Variants in DAPK1 observed in about 807,000 individuals in gnomAD.
DAPK1 encodes death-associated protein kinase 1.
DAPK1 carries 56 observed loss-of-function variants against 144.9 expected under a neutral mutation model. The observed-to-expected ratio is 0.39, with a 90% confidence interval of 0.31 to 0.48. DAPK1 has a LOEUF of 0.48. DAPK1 is among the 20% of genes least tolerant of loss of function. The probability of loss-of-function intolerance (pLI) is 0.95; values close to 1 mark genes in which losing one functional copy is unlikely to be tolerated. For synonymous variants in DAPK1, 690 were observed against 749.0 expected (o/e 0.92, Z 1.29); for missense variants, 1,454 against 1,875.4 (o/e 0.78, Z 4.15).
At chr9:87,674,461 A>G (rs924480486) in intron 19 of DAPK1, among the ~76,000 whole-genome samples, 1 of 145,774 alleles carries the variant, frequency 6.9e-6, no homozygotes, top group African/African-American at 2.6e-5. Flanking sequence ...GTTGCAGTGC[A>G]CTGAGATCAT....
rs750748509 is a variant in DAPK1, at chr9:87,686,678, G to T, written c.2352G>T (p.Pro784=). The change falls in exon 21 of 26, where the codon CCG becomes CCT. Residue 784 remains proline, a synonymous_variant. Coordinates refer to ENST00000408954, the MANE Select transcript of DAPK1 (RefSeq NM_004938.4). The surrounding 1 kb of genome is among the most constrained non-coding windows in gnomAD (Gnocchi z 4.2). ...TGTTTGTGGCCCCGACCCACCACCCGCACTGCTCGGCCGATGACCAGTCCA... is the reference window on the plus strand; with the variant it reads ...TGTTTGTGGCCCCGACCCACCACCCTCACTGCTCGGCCGATGACCAGTCCA... The part of the protein sequence containing the change: ...LEVFVAPTHH[P]HCSADDQSTK... 2.5e-6 allele frequency: 4 copies of T among 1,612,956 alleles called. No homozygotes were observed. The highest frequency in any genetic ancestry group is 3.4e-6 in the Non-Finnish European group (4 of 1,179,182).
chr9:87,511,665 CTT>C (rs1037999002), intron 2 of DAPK1, among the ~76,000 whole-genome samples: 3 of 102,496 alleles, frequency 2.9e-5, no homozygotes, highest in African/African-American at 8.0e-5. Context: ...TTTTCTTTTT[CTT>C]TTGTGTGTGT....
intron 3 of DAPK1, among the ~76,000 whole-genome samples, chr9:87,634,341 C>T (rs1211302480): frequency 6.6e-6 from 1 of 152,214 alleles, no homozygotes; most frequent in Non-Finnish European, 1.5e-5. Flanking sequence ...GGGTCCCCTT[C>T]TAAGGTGCCT....
At position 87,706,244 on chromosome 9, in the gene DAPK1, A is replaced by G. The variant is rs761203080; in HGVS notation, c.3173A>G (p.His1058Arg). The change falls in exon 26 of 26, where the codon CAC becomes CGC. Residue 1058 changes from histidine (H) to arginine (R), a missense_variant. By Grantham distance (29) the His-to-Arg change is conservative. Around this residue, in one of 2 missense-constraint regions of DAPK1, gnomAD observed 1,025 missense variants for 1,237.9 expected, o/e 0.83. Transcript: ENST00000408954. The surrounding 1 kb of genome is among the most constrained non-coding windows in gnomAD (Gnocchi z 9.0). ...TCCGTGGAGACCCCACGGGCGCTGC[A>G]CCACTACCGGGGCCGCTACACCGTG... ...LLSVETPRAL[H>R]HYRGRYTVED... The G allele has an allele frequency of 1.2e-6, 2 of 1,613,786 alleles. No homozygotes were observed. The highest frequency in any genetic ancestry group is 1.1e-5 in the South Asian group (1 of 91,044).
At chr9:87,685,214 A>G (rs1231257948) in intron 20 of DAPK1, among the ~76,000 whole-genome samples, 1 of 152,188 alleles carries the variant, frequency 6.6e-6, no homozygotes, top group Non-Finnish European at 1.5e-5. Flanking sequence ...TGTTTTTAAG[A>G]ATAAATCTTG....
At chr9:87,689,267 G>A (rs547822928) in intron 21 of DAPK1, among the ~76,000 whole-genome samples, 3 of 152,100 alleles carry the variant, frequency 2.0e-5, no homozygotes, top group South Asian at 4.2e-4. Flanking sequence ...TTATTTCTGG[G>A]TTATCTATTC....
intron 24 of DAPK1, among the ~76,000 whole-genome samples, chr9:87,700,457 A>T (rs1825420427): frequency 6.6e-6 from 1 of 152,032 alleles, no homozygotes; most frequent in Non-Finnish European, 1.5e-5. Flanking sequence ...AATTTTATGA[A>T]ATTCTTACCG....
intron 2 of DAPK1, among the ~76,000 whole-genome samples, chr9:87,548,655 C>CT (rs397944230): frequency 6.6e-6 from 1 of 152,024 alleles, no homozygotes; most frequent in African/African-American, 2.4e-5. Flanking sequence ...TGTATCTTTT[C>CT]TTTGGGATAA....
chr9:87,662,567 T>TTTTTTTTG (rs1830894115), intron 18 of DAPK1, among the ~76,000 whole-genome samples: 1 of 129,230 alleles, frequency 7.7e-6, no homozygotes, highest in Non-Finnish European at 1.6e-5. Flanking sequence ...CTAGTTTTTT[T>TTTTTTTTG]TTTTTTTTTT....
intron 2 of DAPK1, among the ~76,000 whole-genome samples, chr9:87,567,105 T>G (rs969464673): frequency 6.6e-6 from 1 of 152,184 alleles, no homozygotes. Flanking sequence ...AACAAATTAT[T>G]GTGAGATTAA....
chr9:87,667,387 A>G (rs1339726317), intron 18 of DAPK1, among the ~76,000 whole-genome samples: 1 of 152,164 alleles, frequency 6.6e-6, no homozygotes, highest in East Asian at 1.9e-4. Flanking sequence ...TCCCCCAGCA[A>G]TTGCCAATGC....
chr9:87,583,847 C>G lies in DAPK1; in HGVS notation c.63-21107C>G, dbSNP rs138013992. ...GCCTACCATGCTTTCTCTATCATTG[C>G]CCTTCTTTCTTCAGTTCATGGGGTT... is the stretch of plus-strand genomic sequence containing the variant. On this transcript the variant is annotated intron_variant, in intron 2 of 25. Transcript: ENST00000408954. Among the ~76,000 whole-genome samples, 1,095 of 152,276 alleles carry G rather than the reference C, an allele frequency of 7.2e-3. 8 individuals are homozygous for G. The highest frequency in any genetic ancestry group is 0.011 in the Non-Finnish European group (735 of 68,024).
intron 18 of DAPK1, among the ~76,000 whole-genome samples, chr9:87,660,416 G>A (rs1830801246): frequency 6.6e-6 from 1 of 152,106 alleles, no homozygotes; most frequent in Admixed American, 6.5e-5. Flanking sequence ...AACAGGAAAT[G>A]AATTTCAATA....
intron 2 of DAPK1, among the ~76,000 whole-genome samples, chr9:87,534,184 A>G (rs1178795771): frequency 6.6e-6 from 1 of 151,890 alleles, no homozygotes; most frequent in Non-Finnish European, 1.5e-5. Context: ...ATACTTTTCA[A>G]TATATGTGCA....
At chr9:87,659,080 TG>T (rs1051561614) in intron 18 of DAPK1, among the ~76,000 whole-genome samples, 1 of 152,224 alleles carries the variant, frequency 6.6e-6, no homozygotes, top group Non-Finnish European at 1.5e-5. Flanking sequence ...AGAGACCATA[TG>T]GGCCACAGAG....
At chr9:87,643,697 C>T (rs1221694834) in intron 11 of DAPK1, among the ~76,000 whole-genome samples, 1 of 151,878 alleles carries the variant, frequency 6.6e-6, no homozygotes, top group African/African-American at 2.4e-5. Flanking sequence ...AGCCCCATAC[C>T]TCTAACACTA....
At chr9:87,689,006 C>G (rs962946352) in intron 21 of DAPK1, among the ~76,000 whole-genome samples, 2 of 151,948 alleles carry the variant, frequency 1.3e-5, no homozygotes, top group African/African-American at 4.8e-5. Flanking sequence ...TAAATTCTTC[C>G]CCAAGGTCAG....
At chr9:87,576,061 G>C (rs866438494) in intron 2 of DAPK1, among the ~76,000 whole-genome samples, 1 of 152,214 alleles carries the variant, frequency 6.6e-6, no homozygotes, top group Non-Finnish European at 1.5e-5. Context: ...TCAGGTTAGC[G>C]GTAGTCAGAT....
At chr9:87,671,059 G>A (rs147693888) in intron 19 of DAPK1, among the ~76,000 whole-genome samples, 8 of 152,314 alleles carry the variant, frequency 5.3e-5, no homozygotes, top group East Asian at 1.9e-4. Context: ...TGCACTAGCC[G>A]GGGATGGTCG....
Sources: gnomAD v4.1 joint callset for allele counts (sites outside exome capture counted in the v4.1 genomes callset) on GRCh38, gnomAD v4.1.1 for gene constraint, gnomAD v4.1.1 regional missense constraint, Gnocchi (gnomAD v3.1) non-coding constraint, MANE v1.5 for transcripts, NCBI Gene and HGNC (gene_info 2026-07-23, HGNC 2026-07-21) for gene names.